Variants in LPAR1 observed in about 807,000 individuals in gnomAD.
LPAR1 encodes the protein lysophosphatidic acid receptor 1.
A neutral mutation model predicts 23.8 loss-of-function variants in LPAR1; 5 were observed. The ratio of observed to expected loss-of-function variants is 0.21; its 90% CI spans 0.11 to 0.44. The LOEUF (loss-of-function observed/expected upper bound fraction) is 0.44. Among genes scored for constraint, LPAR1 ranks in the 20% least tolerant of loss-of-function variants. LPAR1 has a pLI of 0.99. For missense variants in LPAR1, 311 were observed against 482.8 expected, an observed-to-expected ratio of 0.64 and a Z score of 3.33; for synonymous variants, 160 against 164.7, an observed-to-expected ratio of 0.97 and a Z score of 0.22.
chr9:110,887,989 C>T (rs913988099), intron 5 of LPAR1, among the ~76,000 whole-genome samples: 1 of 152,138 alleles, frequency 6.6e-6, no homozygotes, highest in African/African-American at 2.4e-5. Context: ...AGGTACACTG[C>T]ACCCATAAAG....
intron 5 of LPAR1, among the ~76,000 whole-genome samples, chr9:110,919,720 A>G (rs2805386): frequency 0.33 from 50,879 of 152,086 alleles, 9,673 homozygotes; most frequent in Non-Finnish European, 0.43. Flanking sequence ...CATATCCAAA[A>G]TGCTTCGCTG....
At chr9:110,939,061 G>C (rs956405414) in intron 5 of LPAR1, among the ~76,000 whole-genome samples, 1 of 152,090 alleles carries the variant, frequency 6.6e-6, no homozygotes, top group Admixed American at 6.5e-5. Flanking sequence ...CCTGGGCAGA[G>C]CCAAGAACTC....
chr9:110,937,469 T>C (rs995141182), intron 5 of LPAR1, among the ~76,000 whole-genome samples: 3 of 152,154 alleles, frequency 2.0e-5, no homozygotes, highest in African/African-American at 7.2e-5. Context: ...TGTGGGAGAG[T>C]TACCTAACCT....
At chr9:111,007,526 T>C (rs941522587) in intron 2 of LPAR1, among the ~76,000 whole-genome samples, 3 of 152,038 alleles carry the variant, frequency 2.0e-5, no homozygotes, top group Non-Finnish European at 2.9e-5. Flanking sequence ...TAAGAAAAAA[T>C]TGTGCCTAAC....
chr9:110,992,695 C>T (rs1380930557), intron 2 of LPAR1, among the ~76,000 whole-genome samples: 1 of 152,130 alleles, frequency 6.6e-6, no homozygotes, highest in Non-Finnish European at 1.5e-5. Flanking sequence ...CTATCTATCA[C>T]TCTCAAAATA....
intron 5 of LPAR1, among the ~76,000 whole-genome samples, chr9:110,876,085 A>T (rs2079027702): frequency 6.6e-6 from 1 of 152,146 alleles, no homozygotes. Flanking sequence ...TTTCAGGCAA[A>T]AGATAAGCAC....
intron 5 of LPAR1, among the ~76,000 whole-genome samples, chr9:110,875,927 C>T (rs1010293475): frequency 6.6e-5 from 10 of 152,094 alleles, no homozygotes; most frequent in African/African-American, 1.4e-4. Flanking sequence ...TTATTTTGGA[C>T]GTTACTAAAA....
chr9:111,002,615 C>T (rs764546534), intron 2 of LPAR1, among the ~76,000 whole-genome samples: 6 of 152,198 alleles, frequency 3.9e-5, no homozygotes, highest in Non-Finnish European at 7.3e-5. Flanking sequence ...AGGATGAACA[C>T]AGTGCAATAT....
At chr9:110,960,590 CTA>C (rs1437776231) in intron 4 of LPAR1, among the ~76,000 whole-genome samples, 15 of 152,050 alleles carry the variant, frequency 9.9e-5, no homozygotes, top group African/African-American at 3.6e-4. Flanking sequence ...TGGGTAATGG[CTA>C]TGTTATTGCA....
At chr9:110,909,426 G>A (rs1348874126) in intron 5 of LPAR1, among the ~76,000 whole-genome samples, 3 of 152,156 alleles carry the variant, frequency 2.0e-5, no homozygotes, top group Admixed American at 6.5e-5. Context: ...TCAGTGCAGT[G>A]GGCAGCAGGA....
intron 2 of LPAR1, among the ~76,000 whole-genome samples, chr9:111,012,618 T>C (rs562129002): frequency 6.6e-6 from 1 of 152,180 alleles, no homozygotes; most frequent in African/African-American, 2.4e-5. Context: ...CAGTCCAAGC[T>C]TGTCCCCTAA....
At chr9:110,970,809 A>G (rs1020338166) in intron 4 of LPAR1, among the ~76,000 whole-genome samples, 1 of 152,216 alleles carries the variant, frequency 6.6e-6, no homozygotes, top group African/African-American at 2.4e-5. Flanking sequence ...TTCAATCAGT[A>G]TGGCTCTTTC....
intron 2 of LPAR1, among the ~76,000 whole-genome samples, chr9:111,015,398 C>G (rs919582956): frequency 6.6e-6 from 1 of 152,182 alleles, no homozygotes; most frequent in Non-Finnish European, 1.5e-5. Flanking sequence ...TATCTACCTT[C>G]TTCCCTCCAA....
At chr9:110,898,757 T>C (rs1236130623) in intron 5 of LPAR1, among the ~76,000 whole-genome samples, 2 of 152,366 alleles carry the variant, frequency 1.3e-5, no homozygotes, top group Admixed American at 6.5e-5. Flanking sequence ...AATCTCTGGC[T>C]AACTAAACTA....
At chr9:110,904,866 A>T (rs2090663763) in intron 5 of LPAR1, among the ~76,000 whole-genome samples, 1 of 152,182 alleles carries the variant, frequency 6.6e-6, no homozygotes. Flanking sequence ...TGCTCTGAAA[A>T]CTGTAAGAAA....
intron 5 of LPAR1, among the ~76,000 whole-genome samples, chr9:110,932,026 C>A (rs188658564): frequency 1.3e-5 from 2 of 152,190 alleles, no homozygotes; most frequent in Admixed American, 1.3e-4. Context: ...TGGAACTTAG[C>A]CTTAAAAAAA....
chr9:110,960,631 G>A (rs2095933274), intron 4 of LPAR1, among the ~76,000 whole-genome samples: 1 of 151,982 alleles, frequency 6.6e-6, no homozygotes, highest in African/African-American at 2.4e-5. Context: ...ATTTCATTTT[G>A]CTTAATTTTT....
At chr9:110,982,706 T>C (rs1184171439) in intron 2 of LPAR1, among the ~76,000 whole-genome samples, 2 of 151,872 alleles carry the variant, frequency 1.3e-5, no homozygotes, top group African/African-American at 4.8e-5. Flanking sequence ...ATAATCGGCA[T>C]ACTTGACAAA....
chr9:110,986,497 G>C (rs2096784524), intron 2 of LPAR1, among the ~76,000 whole-genome samples: 1 of 151,880 alleles, frequency 6.6e-6, no homozygotes, highest in Non-Finnish European at 1.5e-5. Context: ...TTGAGCCCAG[G>C]AGTTTGAGAC....
Sources: gnomAD v4.1 joint callset for allele counts (sites outside exome capture counted in the v4.1 genomes callset) on GRCh38, gnomAD v4.1.1 for gene constraint, MANE v1.5 for transcripts, NCBI Gene and HGNC (gene_info 2026-07-23, HGNC 2026-07-21) for gene names.